Variants in LARGE1 observed in about 807,000 individuals in gnomAD.
LARGE1 encodes LARGE xylosyl- and glucuronyltransferase 1, also known as xylosyl- and glucuronyltransferase LARGE1.
In LARGE1, 43 loss-of-function variants were observed where a neutral mutation model predicts 87.6. The observed-to-expected ratio is 0.49, with a 90% CI of 0.38 to 0.63. The LOEUF (loss-of-function observed/expected upper bound fraction) is 0.63, where lower values mean the gene tolerates loss of function less well. Among genes scored for constraint, LARGE1 ranks in the 30% least tolerant of loss-of-function variants. The pLI, the probability that LARGE1 is intolerant of heterozygous loss-of-function variation, is 0.00. For missense variants in LARGE1, 802 were observed against 1,000.2 expected, an observed-to-expected ratio of 0.80 and a Z score of 2.67; for synonymous variants, 434 against 394.6, an observed-to-expected ratio of 1.10 and a Z score of -1.18.
intron 2 of LARGE1, among the ~76,000 whole-genome samples, chr22:33,739,113 T>A (rs552479548): frequency 1.3e-5 from 2 of 152,042 alleles, no homozygotes; most frequent in Non-Finnish European, 2.9e-5. Flanking sequence ...TAACAGTACA[T>A]GCCTCGCAAG....
At position 33,187,958 on chromosome 22, in the gene LARGE1, A is replaced by AAAG; in HGVS notation, c.1731-21127_1731-21126insCTT. ...AAAAAAAAAAAAAAAAAAAAAAAAA[A>AAAG]AATCACTAAGAGGATAGATTTCAAG... is the stretch of plus-strand genomic sequence containing the variant. On this transcript the variant is annotated intron_variant, in intron 11 of 11. Transcript: ENST00000608642. Among the ~76,000 whole-genome samples the AAAG allele has an allele frequency of 1.9e-5, 2 of 107,472 alleles. 1 individual carries two copies. Among genetic ancestry groups the AAAG allele is most frequent in the African/African-American group, 7.1e-5 (2 of 28,338 alleles). The allele number at this position is 107,472 out of a possible 152,430, so 70.5% of individuals were successfully genotyped here.
the LARGE1 span, among the ~76,000 whole-genome samples, chr22:33,074,376 G>A: frequency 0.022 from 3,318 of 152,196 alleles, 119 homozygotes; most frequent in African/African-American, 0.075. Context: ...AAATAAATAT[G>A]TAAAAGTCAT....
intron 3 of LARGE1, among the ~76,000 whole-genome samples, chr22:33,644,690 G>A (rs941536434): frequency 3.9e-5 from 6 of 152,172 alleles, no homozygotes; most frequent in Non-Finnish European, 7.4e-5. Flanking sequence ...AACTCCTTAA[G>A]CTGATAAGCA....
intron 4 of LARGE1, among the ~76,000 whole-genome samples, chr22:33,624,671 G>C (rs1225302369): frequency 6.6e-6 from 1 of 152,168 alleles, no homozygotes; most frequent in Non-Finnish European, 1.5e-5. Context: ...AGATCAACCT[G>C]GTCTTTGTGC....
At chr22:33,711,377 C>T (rs566366133) in intron 2 of LARGE1, among the ~76,000 whole-genome samples, 10 of 152,262 alleles carry the variant, frequency 6.6e-5, no homozygotes, top group Middle Eastern at 6.8e-3. Flanking sequence ...TGCTATACTA[C>T]GCCTCAATTT....
intron 2 of LARGE1, among the ~76,000 whole-genome samples, chr22:33,673,276 C>CA (rs967514072): frequency 6.6e-6 from 1 of 151,874 alleles, no homozygotes; most frequent in Admixed American, 6.6e-5. Flanking sequence ...AATTCTGTCT[C>CA]AAAAAAAATT....
intron 9 of LARGE1, among the ~76,000 whole-genome samples, chr22:33,362,833 T>C (rs2064436671): frequency 1.3e-5 from 2 of 149,570 alleles, no homozygotes; most frequent in Non-Finnish European, 3.0e-5. Context: ...GGGGGGAAAA[T>C]AGAACTAACC....
chr22:33,599,127 C>T (rs1490038399), intron 5 of LARGE1, among the ~76,000 whole-genome samples: 1 of 152,212 alleles, frequency 6.6e-6, no homozygotes, highest in Non-Finnish European at 1.5e-5. Context: ...TTAAGATCTC[C>T]ACTACATCCA....
chr22:33,431,027 C>T (rs2067060813), intron 7 of LARGE1, among the ~76,000 whole-genome samples: 1 of 152,232 alleles, frequency 6.6e-6, no homozygotes, highest in Non-Finnish European at 1.5e-5. Flanking sequence ...AGTTCCAGCC[C>T]TTCTTGGTCT....
At chr22:33,633,715 T>G (rs1338214959) in intron 3 of LARGE1, among the ~76,000 whole-genome samples, 1 of 152,202 alleles carries the variant, frequency 6.6e-6, no homozygotes, top group Non-Finnish European at 1.5e-5. Context: ...AACTTGGGCA[T>G]CAGGTGTGCT....
At chr22:33,075,104 C>G in the LARGE1 span, among the ~76,000 whole-genome samples, 1 of 152,194 alleles carries the variant, frequency 6.6e-6, no homozygotes, top group Non-Finnish European at 1.5e-5. Flanking sequence ...TATGCAACAC[C>G]TGCTTCTCTC....
At chr22:33,454,241 A>C (rs1292656935) in intron 6 of LARGE1, among the ~76,000 whole-genome samples, 1 of 152,100 alleles carries the variant, frequency 6.6e-6, no homozygotes, top group Non-Finnish European at 1.5e-5. Context: ...TTTGTTTCCC[A>C]TAGTAATCCT....
At chr22:33,869,659 G>A (rs553861239) in intron 1 of LARGE1, among the ~76,000 whole-genome samples, 24 of 152,314 alleles carry the variant, frequency 1.6e-4, no homozygotes, top group African/African-American at 4.8e-4. Flanking sequence ...ACATAGGTGT[G>A]TACCCTCATG....
intron 6 of LARGE1, among the ~76,000 whole-genome samples, chr22:33,492,708 G>A (rs1199311906): frequency 2.0e-5 from 3 of 152,172 alleles, no homozygotes; most frequent in Non-Finnish European, 4.4e-5. Context: ...TTTCTTTGAA[G>A]TCTCAATTTT....
In LARGE1 at chr22:33,707,641, G is replaced by A. The variant is rs576992879; in HGVS notation, c.106+53730C>T. 5.9e-5 allele frequency among the ~76,000 whole-genome samples: 9 copies of A among 152,338 alleles called. 1 individual carries two copies. The South Asian group carries it at 1.9e-3, about 32-fold the overall frequency. ...TAAAATATCAAGCTGCTTTAGAAAA[G>A]TGTCAATTTGTAAATTCTCCATTTG... On this transcript the variant is annotated intron_variant, in intron 2 of 14. Coordinates refer to ENST00000397394, the MANE Select transcript of LARGE1 (RefSeq NM_133642.5).
intron 1 of LARGE1, among the ~76,000 whole-genome samples, chr22:33,879,838 C>T (rs769248108): frequency 3.3e-5 from 5 of 152,190 alleles, no homozygotes; most frequent in African/African-American, 9.7e-5. Flanking sequence ...TAGGTATCTT[C>T]GGCTCCTGGC....
At position 33,789,959 on chromosome 22, in the gene LARGE1, T is replaced by C. The variant is rs562939006; in HGVS notation, c.-82-28401A>G. ...AATGAGTTGAGACTTTGGGGGACTGTTGGGAAGGCATAATTGGTTTTGAAA... is the reference window on the plus strand; with the variant it reads ...AATGAGTTGAGACTTTGGGGGACTGCTGGGAAGGCATAATTGGTTTTGAAA... On this transcript the variant is annotated intron_variant, in intron 1 of 14. Coordinates refer to ENST00000397394, the MANE Select transcript of LARGE1 (RefSeq NM_133642.5). Among the ~76,000 whole-genome samples the C allele has an allele frequency of 3.3e-5, 5 of 152,262 alleles. No individual in the cohort carries two copies. In the South Asian group the frequency reaches 6.2e-4, roughly 19 times the overall value.
intron 3 of LARGE1, among the ~76,000 whole-genome samples, chr22:33,632,697 C>A (rs1403647599): frequency 6.6e-6 from 1 of 152,056 alleles, no homozygotes; most frequent in Admixed American, 6.6e-5. Flanking sequence ...AGGACCTGAC[C>A]AACACTGAGG....
the LARGE1 span, among the ~76,000 whole-genome samples, chr22:33,072,031 T>C: frequency 6.6e-6 from 1 of 151,538 alleles, no homozygotes; most frequent in African/African-American, 2.4e-5. Flanking sequence ...CAAACCCTGA[T>C]GGGAACCATC....
Sources: allele counts gnomAD v4.1 joint callset (sites outside exome capture counted in the v4.1 genomes callset), GRCh38; gene constraint gnomAD v4.1.1; transcripts MANE v1.5; gene names NCBI Gene and HGNC (gene_info 2026-07-23, HGNC 2026-07-21).